Variants in CFTR observed in about 807,000 individuals in gnomAD.
CFTR encodes the protein CF transmembrane conductance regulator, also known as cystic fibrosis transmembrane conductance regulator.
In CFTR, 181 loss-of-function variants were observed where a neutral mutation model predicts 171.6. The observed-to-expected ratio is 1.05, with a 90% CI of 0.93 to 1.19. CFTR has a LOEUF of 1.19. Ranked by LOEUF, CFTR falls within the 50% of genes most tolerant of loss-of-function variation. The pLI, the probability that CFTR is intolerant of heterozygous loss-of-function variation, is 0.00. For missense variants in CFTR, 1,968 were observed against 1,734.7 expected (o/e 1.13, Z -2.39); for synonymous variants, 583 against 608.0 (o/e 0.96, Z 0.60).
At chr7:117,497,809 T>C (rs567762320) in intron 1 of CFTR, among the ~76,000 whole-genome samples, 255 of 152,144 alleles carry the variant, frequency 1.7e-3, no homozygotes, top group African/African-American at 5.9e-3. Context: ...GGCCAGAAAA[T>C]TTACATTAAT....
intron 10 of CFTR, among the ~76,000 whole-genome samples, chr7:117,558,244 G>T (rs140935240): frequency 6.6e-6 from 1 of 151,860 alleles, no homozygotes; most frequent in Non-Finnish European, 1.5e-5. Context: ...TTTTCCAGTG[G>T]CTATACTTAA....
rs560205250 is a variant in CFTR, at chr7:117,645,225, C to T, written c.3873+2632C>T. 2.0e-5 allele frequency among the ~76,000 whole-genome samples: 3 copies of T among 152,260 alleles called. No individual in the cohort carries two copies. The South Asian group carries it at 6.2e-4, about 32-fold the overall frequency. Reference sequence around the variant, plus strand: ...TCACTCATTTTATAATAATTAACAACTTAATAATTAATTATTAAACTCCTA... The same window carrying T: ...TCACTCATTTTATAATAATTAACAATTTAATAATTAATTATTAAACTCCTA... On this transcript the variant is annotated intron_variant, in intron 23 of 26. Coordinates refer to ENST00000003084, the MANE Select transcript of CFTR (RefSeq NM_000492.4).
intron 8 of CFTR, among the ~76,000 whole-genome samples, chr7:117,541,644 A>G (rs1380519011): frequency 3.0e-5 from 3 of 99,472 alleles, no homozygotes; most frequent in Admixed American, 2.7e-4. Flanking sequence ...TAAGATGAAG[A>G]CATTCATTTT....
At chr7:117,655,697 C>T (rs1793156189) in intron 24 of CFTR, among the ~76,000 whole-genome samples, 1 of 152,170 alleles carries the variant, frequency 6.6e-6, no homozygotes, top group Admixed American at 6.5e-5. Context: ...TACCCAGATC[C>T]CAGTACCAAT....
chr7:117,497,474 C>A (rs1409941379), intron 1 of CFTR, among the ~76,000 whole-genome samples: 2 of 152,140 alleles, frequency 1.3e-5, no homozygotes. Flanking sequence ...GAATAGTGGT[C>A]ATGGTAGTTA....
In CFTR at chr7:117,531,068, T is replaced by G; in HGVS notation, c.443T>G (p.Ile148Ser). 1.2e-6 allele frequency: 2 copies of G among 1,613,712 alleles called. No individual in the cohort carries two copies. The highest frequency in any genetic ancestry group is 8.5e-7 in the Non-Finnish European group (1 of 1,179,822). Residue 148 changes from isoleucine to serine, a missense_variant, in exon 4 of 27, where the codon ATT (isoleucine) becomes AGT (serine). Coordinates refer to ENST00000003084, the MANE Select transcript of CFTR (RefSeq NM_000492.4). ...CCAGCCATTTTTGGCCTTCATCACA[T>G]TGGAATGCAGATGAGAATAGCTATG... is the stretch of plus-strand genomic sequence containing the variant. Reference protein sequence around the residue: ...LHPAIFGLHHIGMQMRIAMFS... With the variant: ...LHPAIFGLHHSGMQMRIAMFS...
At chr7:117,644,033 C>G (rs1167946236) in intron 23 of CFTR, among the ~76,000 whole-genome samples, 1 of 151,800 alleles carries the variant, frequency 6.6e-6, no homozygotes, top group Non-Finnish European at 1.5e-5. Flanking sequence ...TCTTTTCTTT[C>G]TGCCAAAGTG....
intron 11 of CFTR, among the ~76,000 whole-genome samples, chr7:117,559,969 T>G (rs1799433711): frequency 6.6e-6 from 1 of 152,128 alleles, no homozygotes; most frequent in Non-Finnish European, 1.5e-5. Flanking sequence ...TTATATGGCA[T>G]GCATATAAGT....
At chr7:117,494,674 A>C (rs1031367332) in intron 1 of CFTR, among the ~76,000 whole-genome samples, 1 of 152,170 alleles carries the variant, frequency 6.6e-6, no homozygotes, top group African/African-American at 2.4e-5. Flanking sequence ...AGCTAGGTGA[A>C]CAAAGAGCCT....
chr7:117,647,177 G>T (rs756572762), intron 23 of CFTR, among the ~76,000 whole-genome samples: 1 of 151,840 alleles, frequency 6.6e-6, no homozygotes, highest in Non-Finnish European at 1.5e-5. Context: ...ACCTAGACTT[G>T]AGTGTGTTAC....
intron 23 of CFTR, among the ~76,000 whole-genome samples, chr7:117,643,062 A>T (rs1315375444): frequency 6.6e-6 from 1 of 152,136 alleles, no homozygotes; most frequent in Admixed American, 6.6e-5. Flanking sequence ...ATTAGTCTGT[A>T]ACTATTTTTT....
At chr7:117,485,137 C>A (rs1190925643) in intron 1 of CFTR, among the ~76,000 whole-genome samples, 2 of 152,110 alleles carry the variant, frequency 1.3e-5, no homozygotes, top group Admixed American at 1.3e-4. Context: ...CTATAAAATG[C>A]ATTATTATTG....
At chr7:117,570,476 T>C (rs1562901869) in intron 11 of CFTR, among the ~76,000 whole-genome samples, 1 of 152,156 alleles carries the variant, frequency 6.6e-6, no homozygotes. Context: ...TTTTCATCTA[T>C]TGTCAATATG....
chr7:117,595,592 T>C (rs191266764), intron 15 of CFTR, among the ~76,000 whole-genome samples: 22 of 152,130 alleles, frequency 1.4e-4, no homozygotes, highest in African/African-American at 5.3e-4. Context: ...TTATTTGGAT[T>C]GAAATTAAAG....
At chr7:117,665,748 G>A (rs1793365097) in intron 26 of CFTR, among the ~76,000 whole-genome samples, 184 bp downstream of exon 26, 1 of 152,286 alleles carries the variant, frequency 6.6e-6, no homozygotes. Context: ...GAGCCATGTG[G>A]TGAGGTTGAA....
intron 22 of CFTR, among the ~76,000 whole-genome samples, chr7:117,634,078 A>G (rs1287418082): frequency 2.0e-5 from 3 of 152,132 alleles, no homozygotes; most frequent in Admixed American, 2.0e-4. Context: ...TAAAATTCCT[A>G]CTTTAAATAT....
At chr7:117,611,117 G>A (rs1028859338) in intron 19 of CFTR, among the ~76,000 whole-genome samples, 1 of 152,094 alleles carries the variant, frequency 6.6e-6, no homozygotes, top group Non-Finnish European at 1.5e-5. Flanking sequence ...TACTTGAGCT[G>A]TTAGGGAATC....
In CFTR at chr7:117,536,600, A is replaced by G; in HGVS notation, c.796A>G (p.Ile266Val). Residue 266 changes from isoleucine to valine, a missense_variant, in exon 7 of 27, where the codon ATT becomes GTT. Ile to Val is a conservative substitution (Grantham distance 29). Transcript: ENST00000003084. Reference sequence around the variant, plus strand: ...AAGACTTGTGATTACCTCAGAAATGATTGAAAATATCCAATCTGTTAAGGC... The same window carrying G: ...AAGACTTGTGATTACCTCAGAAATGGTTGAAAATATCCAATCTGTTAAGGC... Reference protein sequence around the residue: ...SERLVITSEMIENIQSVKAYC... With the variant: ...SERLVITSEMVENIQSVKAYC... 6.2e-7 allele frequency: 1 copy of G among 1,609,630 alleles called. No individual in the cohort carries two copies. Among genetic ancestry groups the G allele is most frequent in the Non-Finnish European group, 8.5e-7 (1 of 1,177,886 alleles).
chr7:117,481,142 G>A (rs1183854738), intron 1 of CFTR, among the ~76,000 whole-genome samples: 2 of 152,190 alleles, frequency 1.3e-5, no homozygotes, highest in Non-Finnish European at 2.9e-5. Flanking sequence ...CTTATGTTTA[G>A]TTCTCTGCAT....
Sources: gnomAD v4.1 joint callset for allele counts (sites outside exome capture counted in the v4.1 genomes callset) on GRCh38, gnomAD v4.1.1 for gene constraint, MANE v1.5 for transcripts, NCBI Gene and HGNC (gene_info 2026-07-23, HGNC 2026-07-21) for gene names.